Variants in MEPE observed in about 807,000 individuals in gnomAD.
MEPE encodes the protein matrix extracellular phosphoglycoprotein, also known as matrix, extracellular phosphoglycoprotein with ASARM motif (bone).
Under a neutral mutation model 7.3 loss-of-function variants are expected in MEPE, and 7 were observed. The ratio of observed to expected loss-of-function variants is 0.95; its 90% confidence interval spans 0.54 to 1.79. MEPE has a LOEUF of 1.79. Among genes scored for constraint, MEPE ranks in the 40% most tolerant of loss-of-function variants. MEPE has a pLI of 0.00. For synonymous variants in MEPE, 214 were observed against 213.1 expected (o/e 1.00, Z -0.04); for missense variants, 623 against 628.2 (o/e 0.99, Z 0.09).
chr4:87,846,454 G>A lies in MEPE; in HGVS notation c.*8G>A, dbSNP rs759045131. On this transcript the variant is annotated 3_prime_UTR_variant, in exon 4 of 4. Coordinates refer to ENST00000361056, the MANE Select transcript of MEPE (RefSeq NM_020203.6). ...GAGAGCGATGGTGACTAGTCCACCA[G>A]GAGTTCCCAGCGGGGTGACAGTCTG... is the stretch of plus-strand genomic sequence containing the variant. 6.2e-7 allele frequency: 1 copy of A among 1,606,824 alleles called. No individual in the cohort carries two copies. Among genetic ancestry groups the A allele is most frequent in the South Asian group, 1.1e-5 (1 of 89,924 alleles).
rs934974670 is a variant in MEPE at position 87,844,983 on chromosome 4, G to T, written c.115G>T (p.Glu39Ter). ...ATTGAAAATTGTATTTTAGCAGGAA[G>T]AAAAAAACAAAGACAATATTGGTTT... ...QSCVEEQRQEEKNKDNIGFHH... is the reference protein window; with the variant it reads ...QSCVEEQRQE Residue 39 changes from glutamate to a stop codon, truncating the protein, a stop_gained, in exon 4 of 4, where the codon GAA becomes TAA. Coordinates refer to ENST00000361056, the MANE Select transcript of MEPE (RefSeq NM_020203.6). LOFTEE classifies it low-confidence loss of function (END_TRUNC). The T allele has an allele frequency of 6.5e-7, 1 of 1,535,716 alleles. No individual in the cohort carries two copies. Among genetic ancestry groups the T allele is most frequent in the African/African-American group, 1.4e-5 (1 of 71,620 alleles).
At chr4:87,834,278 C>T (rs1455814743) in intron 1 of MEPE, among the ~76,000 whole-genome samples, 2 of 152,156 alleles carry the variant, frequency 1.3e-5, no homozygotes, top group Non-Finnish European at 2.9e-5. Flanking sequence ...GATAAGCTTT[C>T]CTCACAGTGC....
At chr4:87,835,372 TG>T (rs1268438748) in intron 2 of MEPE, among the ~76,000 whole-genome samples, 1 of 152,220 alleles carries the variant, frequency 6.6e-6, no homozygotes, top group East Asian at 1.9e-4. Context: ...ATATTCAGGA[TG>T]TGACCAAATT....
At chr4:87,822,963 T>G (rs1722372687) in intron 1 of MEPE, among the ~76,000 whole-genome samples, 1 of 152,176 alleles carries the variant, frequency 6.6e-6, no homozygotes, top group South Asian at 2.1e-4. Context: ...ATGGTTGGTA[T>G]GGAGTTGTGC....
At chr4:87,839,724 G>A (rs1158028335) in intron 3 of MEPE, 28 of 1,550,116 alleles carry the variant, frequency 1.8e-5, no homozygotes, top group Non-Finnish European at 2.2e-5. Flanking sequence ...TGGGCATTAT[G>A]TTTTTAAGTG....
intron 3 of MEPE, among the ~76,000 whole-genome samples, chr4:87,843,073 A>T (rs1163139080): frequency 1.3e-4 from 20 of 152,144 alleles, no homozygotes; most frequent in Non-Finnish European, 2.9e-4. Context: ...CATTTTAGTT[A>T]TTAAGGCTTT....
At chr4:87,843,612 T>C (rs575331527) in intron 3 of MEPE, among the ~76,000 whole-genome samples, 51 of 152,314 alleles carry the variant, frequency 3.3e-4, no homozygotes, top group African/African-American at 1.2e-3. Flanking sequence ...AAAATGACAT[T>C]TAGTCTGTCT....
chr4:87,834,310 T>C (rs1722696775), intron 1 of MEPE, among the ~76,000 whole-genome samples: 1 of 152,156 alleles, frequency 6.6e-6, no homozygotes, highest in South Asian at 2.1e-4. Context: ...CTGACAAACT[T>C]AGAGTGTGTT....
In MEPE at chr4:87,834,861, T is replaced by A. The variant is rs796467336; in HGVS notation, c.54+93T>A. 29 of 1,001,454 alleles carry A rather than the reference T, an allele frequency of 2.9e-5. No individual in the cohort carries two copies. In the South Asian group the frequency reaches 3.9e-4, roughly 14 times the overall value. 62.0% of individuals were successfully genotyped at this position (1,001,454 alleles called of 1,614,324 possible). Reference sequence around the variant, plus strand: ...GCAACGTCTATTTAAATTAGTAGCATCTACCTAATTCAGTTATTTTAAAAA... The same window carrying A: ...GCAACGTCTATTTAAATTAGTAGCAACTACCTAATTCAGTTATTTTAAAAA... On this transcript the variant is annotated intron_variant, in intron 2 of 3. Coordinates refer to ENST00000361056, the MANE Select transcript of MEPE (RefSeq NM_020203.6).
Position 87,845,690 on chromosome 4 carries a change from T to C in MEPE, c.822T>C (p.Pro274=). 1 of 1,613,806 alleles carries C rather than the reference T, an allele frequency of 6.2e-7. No individual in the cohort carries two copies. Among genetic ancestry groups the C allele is most frequent in the South Asian group, 1.1e-5 (1 of 91,018 alleles). Residue 274 remains proline, a synonymous_variant, in exon 4 of 4, where the codon CCT becomes CCC. Coordinates refer to ENST00000361056, the MANE Select transcript of MEPE (RefSeq NM_020203.6). ...DIPGKGEATG[P]DLEGKDIQTG... is the part of the protein sequence containing the mutation. ...CTGGTAAAGGAGAAGCTACTGGTCCTGACCTAGAAGGCAAAGATATTCAAA... is the reference window on the plus strand; with the variant it reads ...CTGGTAAAGGAGAAGCTACTGGTCCCGACCTAGAAGGCAAAGATATTCAAA...
At chr4:87,821,636 T>C (rs2109985283) in intron 1 of MEPE, among the ~76,000 whole-genome samples, 1 of 152,332 alleles carries the variant, frequency 6.6e-6, no homozygotes, top group South Asian at 2.1e-4. Flanking sequence ...TGGTCATTGT[T>C]GCTGCTTTGT....
At chr4:87,844,022 T>C (rs1723112324) in intron 3 of MEPE, among the ~76,000 whole-genome samples, 1 of 152,206 alleles carries the variant, frequency 6.6e-6, no homozygotes, top group Admixed American at 6.5e-5. Context: ...CCATAGTGAC[T>C]CAGCCTCTCT....
intron 1 of MEPE, among the ~76,000 whole-genome samples, chr4:87,821,778 A>G (rs370120205): frequency 5.3e-4 from 80 of 152,296 alleles, no homozygotes; most frequent in African/African-American, 1.8e-3. Flanking sequence ...AGGGTGCTCC[A>G]TACAAATAGA....
Position 87,846,565 on chromosome 4 carries a change from G to T in MEPE, c.*119G>T. The T allele has an allele frequency of 8.7e-7, 1 of 1,154,394 alleles. No individual in the cohort carries two copies. Among genetic ancestry groups the T allele is most frequent in the Non-Finnish European group, 1.2e-6 (1 of 824,220 alleles). The allele number at this position is 1,154,394 out of a possible 1,614,324, so 71.5% of individuals were successfully genotyped here. ...GAGAGGATAGAGTGAAGAACTGAGTGAGCCAAGAATCCTGGTCTCCTTGGG... is the reference window on the plus strand; with the variant it reads ...GAGAGGATAGAGTGAAGAACTGAGTTAGCCAAGAATCCTGGTCTCCTTGGG... On this transcript the variant is annotated 3_prime_UTR_variant, in exon 4 of 4. Transcript: ENST00000361056.
chr4:87,828,502 A>G (rs1303721804), upstream of MEPE, among the ~76,000 whole-genome samples: 1 of 151,870 alleles, frequency 6.6e-6, no homozygotes, highest in Non-Finnish European at 1.5e-5. Context: ...ACTAAGTTTA[A>G]AAAAAAATGT....
chr4:87,846,147 T>A lies in MEPE; in HGVS notation c.1279T>A (p.Phe427Ile), dbSNP rs1171505541. Residue 427 changes from phenylalanine (F) to isoleucine (I), a missense_variant, in exon 4 of 4, where the codon TTT (phenylalanine) becomes ATT (isoleucine). Phe to Ile is a conservative substitution (Grantham distance 21, BLOSUM62 0). Transcript: ENST00000361056. ...AGCAACCTTAAATGAAAAACAAAGG[T>A]TTCCTAGTAAGGGCAAAAGTCAGGG... ...NQATLNEKQR[F>I]PSKGKSQGLP... 6.2e-7 allele frequency: 1 copy of A among 1,613,788 alleles called. No individual in the cohort carries two copies. The highest frequency in any genetic ancestry group is 1.3e-5 in the African/African-American group (1 of 74,858).
chr4:87,825,408 C>T (rs904179623), intron 1 of MEPE, among the ~76,000 whole-genome samples: 3 of 152,138 alleles, frequency 2.0e-5, no homozygotes, highest in Non-Finnish European at 4.4e-5. Context: ...CTGAATTACA[C>T]CCGGGGTATG....
At chr4:87,844,280 T>C (rs768216593) in intron 3 of MEPE, among the ~76,000 whole-genome samples, 6 of 152,286 alleles carry the variant, frequency 3.9e-5, no homozygotes, top group Non-Finnish European at 8.8e-5. Context: ...CTGCCAAGCT[T>C]ACTGAAAGTT....
chr4:87,832,228 T>C (rs886868988), upstream of MEPE, among the ~76,000 whole-genome samples: 2 of 152,102 alleles, frequency 1.3e-5, no homozygotes, highest in African/African-American at 4.8e-5. Flanking sequence ...AGAGCCCATC[T>C]CTCAATACTG....
Sources: allele counts gnomAD v4.1 joint callset (sites outside exome capture counted in the v4.1 genomes callset), GRCh38; gene constraint gnomAD v4.1.1; transcripts MANE v1.5; gene names NCBI Gene and HGNC (gene_info 2026-07-23, HGNC 2026-07-21).